Variants in COL4A2 observed in about 807,000 individuals in gnomAD.
COL4A2 encodes collagen alpha-2(IV) chain.
In COL4A2, 99 loss-of-function variants were observed where a neutral mutation model predicts 200.2. The ratio of observed to expected loss-of-function variants is 0.49; its 90% confidence interval spans 0.42 to 0.58. COL4A2 has a LOEUF of 0.58. Among genes scored for constraint, COL4A2 ranks in the 20% least tolerant of loss-of-function variants. The pLI is 0.00. For synonymous variants in COL4A2, 897 were observed against 900.6 expected (o/e 1.00, Z 0.07); for missense variants, 1,950 against 2,314.1 (o/e 0.84, Z 3.23).
At chr13:110,481,651 C>T (rs1236655892) in intron 31 of COL4A2, among the ~76,000 whole-genome samples, 1 of 95,320 alleles carries the variant, frequency 1.0e-5, no homozygotes, top group South Asian at 5.0e-4. Flanking sequence ...TCTGTCCTTC[C>T]GTTGCTGGAG....
At chr13:110,365,614 C>A (rs1877710367) in intron 4 of COL4A2, among the ~76,000 whole-genome samples, 2 of 152,122 alleles carry the variant, frequency 1.3e-5, no homozygotes, top group Non-Finnish European at 2.9e-5. Flanking sequence ...GCTTTGCACA[C>A]CCCTCCCCCT....
intron 4 of COL4A2, among the ~76,000 whole-genome samples, chr13:110,414,903 T>C (rs1347425959): frequency 1.3e-5 from 2 of 152,248 alleles, no homozygotes; most frequent in Non-Finnish European, 2.9e-5. Context: ...GAGCCGTGTT[T>C]CTCTTTAGTT....
chr13:110,484,554 C>T (rs1883045005), intron 32 of COL4A2, among the ~76,000 whole-genome samples: 1 of 152,164 alleles, frequency 6.6e-6, no homozygotes, highest in African/African-American at 2.4e-5. Context: ...GACCGAGGTC[C>T]ATCATGGTCT....
At chr13:110,454,840 A>T (rs772711815) in intron 20 of COL4A2, among the ~76,000 whole-genome samples, 1 of 152,128 alleles carries the variant, frequency 6.6e-6, no homozygotes, top group Non-Finnish European at 1.5e-5. Context: ...ACACAGAGTC[A>T]ACCCTATGCA....
chr13:110,326,890 C>T (rs1885430428), intron 3 of COL4A2, among the ~76,000 whole-genome samples: 1 of 152,250 alleles, frequency 6.6e-6, no homozygotes, highest in Admixed American at 6.5e-5. Context: ...CAGTCACCCG[C>T]CCGCTCAAGA....
intron 3 of COL4A2, among the ~76,000 whole-genome samples, chr13:110,347,117 T>C (rs560829927): frequency 5.9e-5 from 9 of 152,274 alleles, no homozygotes; most frequent in Non-Finnish European, 5.9e-5. Context: ...AGGATGTGTG[T>C]CAGGAAATGC....
intron 32 of COL4A2, among the ~76,000 whole-genome samples, chr13:110,483,698 A>C (rs1412976357): frequency 1.5e-5 from 2 of 131,960 alleles, no homozygotes; most frequent in African/African-American, 8.1e-5. Context: ...GCAGTTTCCT[A>C]CACTTGATCT....
At chr13:110,459,500 T>G (rs1881932397) in intron 22 of COL4A2, 1 of 149,564 alleles carries the variant, frequency 6.7e-6, no homozygotes, top group Admixed American at 6.7e-5. Flanking sequence ...GGTCTCTCAT[T>G]CTATTCTTAT....
In COL4A2 at chr13:110,506,612, T is replaced by C; in HGVS notation, c.4594+6T>C. The C allele has an allele frequency of 1.2e-6, 2 of 1,601,440 alleles. No homozygotes were observed. The highest frequency in any genetic ancestry group is 1.7e-6 in the Non-Finnish European group (2 of 1,173,072). On this transcript the variant is annotated splice_donor_region_variant and intron_variant, in intron 46 of 47. Transcript: ENST00000360467. ...GGCGCACAACCAGGACCTGGGTAGG[T>C]ACCTCCCACCCGGCCCCCGTTGCCT...
chr13:110,399,527 T>C (rs1465205665), intron 4 of COL4A2, among the ~76,000 whole-genome samples: 3 of 152,172 alleles, frequency 2.0e-5, no homozygotes, highest in African/African-American at 7.2e-5. Context: ...ACTTTACCTA[T>C]TTTCTTTCCC....
intron 3 of COL4A2, among the ~76,000 whole-genome samples, chr13:110,319,365 A>C (rs1885223972): frequency 6.6e-6 from 1 of 152,258 alleles, no homozygotes; most frequent in Admixed American, 6.5e-5. Flanking sequence ...TTATAAACAA[A>C]GAACAATTTG....
intron 3 of COL4A2, among the ~76,000 whole-genome samples, chr13:110,308,518 GTC>G (rs1233418873): frequency 3.9e-5 from 6 of 152,194 alleles, no homozygotes; most frequent in Admixed American, 3.9e-4. Context: ...CTGGTGGGGA[GTC>G]TCTGTCACGG....
At chr13:110,326,989 A>T (rs1229244754) in intron 3 of COL4A2, among the ~76,000 whole-genome samples, 1 of 152,192 alleles carries the variant, frequency 6.6e-6, no homozygotes, top group Non-Finnish European at 1.5e-5. Flanking sequence ...TCTTATTCCC[A>T]GAAGTTTTAA....
At position 110,512,288 on chromosome 13, in the gene COL4A2, A is replaced by G. The variant is rs1790111514; in HGVS notation, c.*97A>G. The G allele has an allele frequency of 2.1e-5, 31 of 1,454,782 alleles. No homozygotes were observed. Among genetic ancestry groups the G allele is most frequent in the Non-Finnish European group, 2.6e-5 (29 of 1,110,092 alleles). 90.1% of individuals were successfully genotyped at this position (1,454,782 alleles called of 1,614,324 possible). A position where few individuals can be genotyped will look rare whatever the true frequency, so the allele number is the denominator to read the frequency against. ...TTGGTTTTATTTTTTTCTTAAAAAA[A>G]AAAAAGTCTACCAAAGGAATTTGCA... On this transcript the variant is annotated 3_prime_UTR_variant, in exon 48 of 48. Transcript: ENST00000360467.
intron 45 of COL4A2, among the ~76,000 whole-genome samples, chr13:110,505,815 G>A (rs955875061): frequency 6.6e-6 from 1 of 152,178 alleles, no homozygotes; most frequent in Non-Finnish European, 1.5e-5. Context: ...ACTGCTGGGG[G>A]TGGGGGCTGG....
chr13:110,481,645 T>TC (rs1200985547), intron 31 of COL4A2, among the ~76,000 whole-genome samples: 1 of 94,914 alleles, frequency 1.1e-5, no homozygotes, highest in Non-Finnish European at 2.1e-5. Context: ...CACTGTTCTG[T>TC]CCTTCCGTTG....
intron 3 of COL4A2, among the ~76,000 whole-genome samples, chr13:110,314,035 C>T (rs1171808943): frequency 2.6e-5 from 4 of 152,180 alleles, no homozygotes; most frequent in South Asian, 4.1e-4. Context: ...TATCCTGGGG[C>T]GGGTCCTGGG....
rs142401807 is a variant in COL4A2 at position 110,425,307 on chromosome 13, C to T, written c.360+310C>T. On this transcript the variant is annotated intron_variant, in intron 6 of 47. Coordinates refer to ENST00000360467, the MANE Select transcript of COL4A2 (RefSeq NM_001846.4). ...AAAGAGCCAGTCTTGTGATCTCGTTCGAACTATAGAGCAACCTGCATATAA... is the reference window on the plus strand; with the variant it reads ...AAAGAGCCAGTCTTGTGATCTCGTTTGAACTATAGAGCAACCTGCATATAA... Among the ~76,000 whole-genome samples, 99 of 152,220 alleles carry T rather than the reference C, an allele frequency of 6.5e-4. 1 individual carries two copies. The East Asian group carries it at 0.013, about 20-fold the overall frequency.
At chr13:110,424,219 C>G (rs773917707) in intron 4 of COL4A2, among the ~76,000 whole-genome samples, 1 of 151,798 alleles carries the variant, frequency 6.6e-6, no homozygotes, top group African/African-American at 2.4e-5. Flanking sequence ...TAACAGCCAT[C>G]CTATTTAGTG....
Sources: allele counts gnomAD v4.1 joint callset (sites outside exome capture counted in the v4.1 genomes callset), GRCh38; gene constraint gnomAD v4.1.1; transcripts MANE v1.5; gene names NCBI Gene and HGNC (gene_info 2026-07-23, HGNC 2026-07-21).